NTRK3: variants seen among roughly 807,000 people sequenced by gnomAD.
The protein encoded by NTRK3 is NT-3 growth factor receptor.
Under a neutral mutation model 91.7 loss-of-function variants are expected in NTRK3, and 24 were observed. The observed-to-expected ratio is 0.26, with a 90% CI of 0.19 to 0.37. The LOEUF is 0.37. Among genes scored for constraint, NTRK3 ranks in the 10% least tolerant of loss-of-function variants. The probability of loss-of-function intolerance (pLI) is 1.00; values close to 1 mark genes in which losing one functional copy is unlikely to be tolerated. For missense variants in NTRK3, 880 were observed against 1,068.9 expected (o/e 0.82, Z 2.46); for synonymous variants, 483 against 404.0 (o/e 1.20, Z -2.34).
intron 13 of NTRK3, among the ~76,000 whole-genome samples, chr15:88,052,430 G>T (rs1048703898): frequency 1.3e-5 from 2 of 152,198 alleles, no homozygotes; most frequent in African/African-American, 4.8e-5. Context: ...AGACCGAAAA[G>T]CCAATTCTCT....
chr15:88,238,426 A>G (rs7173775), intron 3 of NTRK3, among the ~76,000 whole-genome samples: 123,802 of 152,068 alleles, frequency 0.81, 51,360 homozygotes, highest in East Asian at 0.97. Context: ...AATACACATT[A>G]CCATTGGGTC....
intron 14 of NTRK3, among the ~76,000 whole-genome samples, chr15:87,961,582 G>C (rs760752507): frequency 2.0e-5 from 3 of 152,264 alleles, no homozygotes; most frequent in Non-Finnish European, 2.9e-5. Context: ...GGTGGGAGAT[G>C]GGAAAGTTAA....
At chr15:87,939,571 C>A (rs529886214) in intron 15 of NTRK3, among the ~76,000 whole-genome samples, 1 of 152,164 alleles carries the variant, frequency 6.6e-6, no homozygotes, top group Non-Finnish European at 1.5e-5. Context: ...TACAGAGACC[C>A]AAAAGTTGAA....
chr15:88,079,345 G>A lies in NTRK3; in HGVS notation c.1397-46300C>T, dbSNP rs192855354. On this transcript the variant is annotated intron_variant, in intron 13 of 18. Coordinates refer to ENST00000394480, the Ensembl canonical transcript of NTRK3. ...TTAGAGCTTTTCTCCCTTCCCCAGC[G>A]CACCTGCCATCAGTCACAGGTGCCA... Among the ~76,000 whole-genome samples the A allele has an allele frequency of 7.9e-3, 1,205 of 152,286 alleles. 25 individuals are homozygous for A. The highest frequency in any genetic ancestry group is 0.011 in the Non-Finnish European group (736 of 68,040).
exon 19 of NTRK3, chr15:87,862,064 T>C (rs2064541871): frequency 4.7e-6 from 1 of 213,924 alleles, no homozygotes; most frequent in African/African-American, 2.3e-5. Flanking sequence ...TGGATTAAAA[T>C]ATAAGACAAA....
chr15:88,028,009 C>T (rs981961526), intron 14 of NTRK3, among the ~76,000 whole-genome samples: 5 of 151,664 alleles, frequency 3.3e-5, no homozygotes, highest in South Asian at 2.1e-4. Flanking sequence ...TGTTAAAAGA[C>T]GAACAGGGTG....
chr15:88,059,465 T>C (rs549436062), intron 13 of NTRK3, among the ~76,000 whole-genome samples: 1 of 152,258 alleles, frequency 6.6e-6, no homozygotes, highest in South Asian at 2.1e-4. Flanking sequence ...TGAAACAAAA[T>C]GCACATTATT....
At chr15:88,249,392 C>T (rs2053143829) in intron 3 of NTRK3, among the ~76,000 whole-genome samples, 2 of 152,190 alleles carry the variant, frequency 1.3e-5, no homozygotes, top group South Asian at 2.1e-4. Context: ...CAGAGGGAGA[C>T]ACAGTCATGG....
chr15:88,005,438 C>T (rs947139054), intron 14 of NTRK3, among the ~76,000 whole-genome samples: 1 of 152,186 alleles, frequency 6.6e-6, no homozygotes, highest in African/African-American at 2.4e-5. Flanking sequence ...CAGCAAAGGG[C>T]CTGCCCTTAA....
At chr15:87,874,734 A>G (rs2064904552) in exon 19 of NTRK3, 1 of 232,290 alleles carries the variant, frequency 4.3e-6, no homozygotes, top group Non-Finnish European at 8.5e-6. Flanking sequence ...GTTCTTAGCT[A>G]CCCAGATCAA....
At chr15:88,074,026 G>A (rs556720158) in intron 13 of NTRK3, among the ~76,000 whole-genome samples, 1 of 152,334 alleles carries the variant, frequency 6.6e-6, no homozygotes, top group Non-Finnish European at 1.5e-5. Flanking sequence ...ACCAGACCAA[G>A]GGGGCTTGTC....
In NTRK3 at chr15:88,255,885, G is replaced by C. The variant is rs749792533; in HGVS notation, c.248+21C>G. On this transcript the variant is annotated intron_variant, in intron 3 of 18. Transcript: ENST00000394480. The surrounding 1 kb of genome is among the most constrained non-coding windows in gnomAD (Gnocchi z 4.3). ...CGCAGAGCGCGGGGGAGGCAGGCTG[G>C]GGAGCGGCCGCCTGACTTACATGGA... 1.9e-6 allele frequency: 3 copies of C among 1,595,894 alleles called. No homozygotes were observed. The highest frequency in any genetic ancestry group is 1.1e-5 in the South Asian group (1 of 89,566).
chr15:87,977,717 T>G (rs954143752), intron 14 of NTRK3: 5 of 231,346 alleles, frequency 2.2e-5, no homozygotes, highest in African/African-American at 1.1e-4. Context: ...GAACCTGAAC[T>G]CCCAGGTGAT....
intron 3 of NTRK3, among the ~76,000 whole-genome samples, chr15:88,187,532 G>A (rs1427945800): frequency 6.6e-6 from 1 of 152,144 alleles, no homozygotes; most frequent in Non-Finnish European, 1.5e-5. Context: ...TAGTAAAAGA[G>A]CAGGTTTGGT....
At chr15:88,211,950 T>G (rs180689014) in intron 3 of NTRK3, among the ~76,000 whole-genome samples, 81 of 152,366 alleles carry the variant, frequency 5.3e-4, no homozygotes, top group Admixed American at 5.3e-3. Context: ...AAACTGTAAT[T>G]CAATAAACCC....
chr15:87,923,718 A>G (rs540562716), intron 17 of NTRK3, among the ~76,000 whole-genome samples: 338 of 152,260 alleles, frequency 2.2e-3, no homozygotes, highest in Non-Finnish European at 3.9e-3. Context: ...TCTGTTGAAA[A>G]CTTAACCCCA....
chr15:87,997,068 C>A (rs577311215), intron 14 of NTRK3, among the ~76,000 whole-genome samples: 1 of 152,256 alleles, frequency 6.6e-6, no homozygotes, highest in Admixed American at 6.5e-5. Flanking sequence ...GGAATGTAAG[C>A]AAATTCTAAG....
In NTRK3 at chr15:88,237,373, A is replaced by C. The variant is rs899612551; in HGVS notation, c.248+18533T>G. ...CTATTTTGTGACCCATTGTTTTGGG[A>C]AGTTCTTTCTTACTGCTAAACCACA... On this transcript the variant is annotated intron_variant, in intron 3 of 18. Coordinates refer to ENST00000394480, the Ensembl canonical transcript of NTRK3. The surrounding 1 kb of genome is among the most constrained non-coding windows in gnomAD (Gnocchi z 4.0). Among the ~76,000 whole-genome samples the C allele has an allele frequency of 6.6e-6, 1 of 152,132 alleles. No individual in the cohort carries two copies. The highest frequency in any genetic ancestry group is 1.5e-5 in the Non-Finnish European group (1 of 68,024).
Position 87,986,441 on chromosome 15 carries a change from T to G in NTRK3, c.1586-45688A>C, listed in dbSNP as rs557765662. 1.4e-4 allele frequency among the ~76,000 whole-genome samples: 22 copies of G among 152,364 alleles called. No homozygotes were observed. The East Asian group carries it at 4.0e-3, about 28-fold the overall frequency. ...ATAACCCTGTTTCTCCTCTACCCCA[T>G]CACCAGAAGTAACCACTGCTCTGAA... On this transcript the variant is annotated intron_variant, in intron 14 of 18. Transcript: ENST00000394480.
Sources: gnomAD v4.1 joint callset for allele counts (sites outside exome capture counted in the v4.1 genomes callset) on GRCh38, gnomAD v4.1.1 for gene constraint, Gnocchi (gnomAD v3.1) non-coding constraint, MANE v1.5 for transcripts, NCBI Gene and HGNC (gene_info 2026-07-23, HGNC 2026-07-21) for gene names.